Variants in HECTD2 observed in about 807,000 individuals in gnomAD.
HECTD2 encodes the protein HECT domain E3 ubiquitin protein ligase 2, also known as probable E3 ubiquitin-protein ligase HECTD2.
A neutral mutation model predicts 103.2 loss-of-function variants in HECTD2; 35 were observed. The observed-to-expected ratio is 0.34, with a 90% CI of 0.26 to 0.45. The LOEUF is 0.45. Among genes scored for constraint, HECTD2 ranks in the 20% least tolerant of loss-of-function variants. The probability of loss-of-function intolerance (pLI) is 1.00; values close to 1 mark genes in which losing one functional copy is unlikely to be tolerated. For missense variants in HECTD2, 596 were observed against 937.4 expected (o/e 0.64, Z 4.76); for synonymous variants, 281 against 329.9 (o/e 0.85, Z 1.61).
chr10:91,435,055 A>C (rs1272827793), intron 2 of HECTD2, among the ~76,000 whole-genome samples: 1 of 151,922 alleles, frequency 6.6e-6, no homozygotes, highest in Middle Eastern at 3.2e-3. Flanking sequence ...AAAAATCCAA[A>C]ATGTGTTATA....
At chr10:91,428,269 G>T (rs1443308877) in intron 2 of HECTD2, among the ~76,000 whole-genome samples, 30 of 151,770 alleles carry the variant, frequency 2.0e-4, no homozygotes, top group African/African-American at 2.7e-4. Flanking sequence ...ATGCTGTTTT[G>T]GTTACTGTAG....
chr10:91,474,482 T>C (rs1183354649), intron 5 of HECTD2, among the ~76,000 whole-genome samples: 3 of 152,160 alleles, frequency 2.0e-5, no homozygotes, highest in Admixed American at 6.5e-5. Flanking sequence ...TCAGAAGATA[T>C]GGCCTTTAGG....
chr10:91,416,997 G>C (rs1470081416), intron 1 of HECTD2, among the ~76,000 whole-genome samples: 1 of 152,196 alleles, frequency 6.6e-6, no homozygotes, highest in African/African-American at 2.4e-5. Flanking sequence ...TATTGCCAGA[G>C]TAGCAACTTC....
intron 20 of HECTD2, among the ~76,000 whole-genome samples, chr10:91,503,331 A>G (rs1425752677): frequency 6.6e-6 from 1 of 152,222 alleles, no homozygotes; most frequent in African/African-American, 2.4e-5. Flanking sequence ...AGCGACGCAG[A>G]AGATGGGTGA....
chr10:91,419,420 G>A (rs12268013), intron 1 of HECTD2, among the ~76,000 whole-genome samples: 30,498 of 152,010 alleles, frequency 0.2, 7,268 homozygotes, highest in African/African-American at 0.58. Flanking sequence ...TACTCTAAGT[G>A]TTTGTCTGTT....
intron 20 of HECTD2, among the ~76,000 whole-genome samples, chr10:91,503,326 C>T (rs558201635): frequency 3.3e-5 from 5 of 152,232 alleles, no homozygotes; most frequent in South Asian, 2.1e-4. Context: ...GCCTGAGCGA[C>T]GCAGAAGATG....
At chr10:91,495,104 A>G (rs1331423141) in intron 14 of HECTD2, among the ~76,000 whole-genome samples, 1 of 152,048 alleles carries the variant, frequency 6.6e-6, no homozygotes, top group Non-Finnish European at 1.5e-5. Context: ...TGTTTATCAC[A>G]CACACAGATA....
chr10:91,417,888 G>A (rs1843195885), intron 1 of HECTD2, among the ~76,000 whole-genome samples: 1 of 152,062 alleles, frequency 6.6e-6, no homozygotes, highest in Non-Finnish European at 1.5e-5. Context: ...CCCAGTAATG[G>A]GATGGCTGGG....
intron 2 of HECTD2, among the ~76,000 whole-genome samples, chr10:91,430,430 T>C (rs1843799457): frequency 6.6e-6 from 1 of 152,152 alleles, no homozygotes; most frequent in South Asian, 2.1e-4. Flanking sequence ...TTCCTGGGTA[T>C]CCTTGTTAAC....
intron 2 of HECTD2, among the ~76,000 whole-genome samples, chr10:91,436,730 C>G (rs939112103): frequency 6.6e-6 from 1 of 151,976 alleles, no homozygotes; most frequent in Non-Finnish European, 1.5e-5. Flanking sequence ...CCGTTATATT[C>G]CCAGTTCCTG....
intron 14 of HECTD2, among the ~76,000 whole-genome samples, 167 bp from the exon 15 acceptor site, chr10:91,496,034 GAATTATATTATGT>G (rs1323208387): frequency 6.6e-6 from 1 of 152,060 alleles, no homozygotes; most frequent in Non-Finnish European, 1.5e-5. Context: ...TGTAATCAAG[GAATTATATTATGT>G]AAAATAAAGG....
chr10:91,500,383 ATGGTTTGATTTACTATGAG>A, intron 18 of HECTD2, 100 bp from the exon 19 acceptor site: 1 of 480,810 alleles, frequency 2.1e-6, no homozygotes, highest in Non-Finnish European at 3.8e-6. Flanking sequence ...TTCAACAAAA[ATGGTTTGATTTACTATGAG>A]AAATCATGAC....
At chr10:91,412,528 C>G (rs952993003) in intron 1 of HECTD2, among the ~76,000 whole-genome samples, 9 of 150,078 alleles carry the variant, frequency 6.0e-5, no homozygotes, top group South Asian at 2.1e-4. Context: ...GATCTCGGCT[C>G]ACTGCAATCT....
intron 2 of HECTD2, among the ~76,000 whole-genome samples, chr10:91,428,504 C>T (rs377226501): frequency 3.3e-5 from 5 of 152,258 alleles, no homozygotes; most frequent in African/African-American, 1.2e-4. Context: ...TCTTCCTACC[C>T]ATGAGCATGG....
At position 91,493,450 on chromosome 10, in the gene HECTD2, G is replaced by A; in HGVS notation, c.1463G>A (p.Cys488Tyr). The A allele has an allele frequency of 2.6e-6, 4 of 1,552,972 alleles. No homozygotes were observed. Among genetic ancestry groups the A allele is most frequent in the South Asian group, 1.3e-5 (1 of 79,302 alleles). The change falls in exon 14 of 21, where the codon TGC (cysteine) becomes TAC (tyrosine). Residue 488 changes from cysteine to tyrosine, a missense_variant. Around this residue, in one of 4 missense-constraint regions of HECTD2, gnomAD observed 303 missense variants for 522.5 expected, o/e 0.58. Transcript: ENST00000298068. ...GMFTYHKDSHCHWFSSFKCDN... is the reference protein window; with the variant it reads ...GMFTYHKDSHYHWFSSFKCDN... Reference sequence around the variant, plus strand: ...TTTACATATCACAAGGATTCACACTGCCATTGGTTTAGCAGCTTTAAATGT... The same window carrying A: ...TTTACATATCACAAGGATTCACACTACCATTGGTTTAGCAGCTTTAAATGT...
intron 2 of HECTD2, among the ~76,000 whole-genome samples, chr10:91,431,642 A>G (rs1843877212): frequency 6.6e-6 from 1 of 151,576 alleles, no homozygotes; most frequent in Non-Finnish European, 1.5e-5. Flanking sequence ...ATCTTCCATC[A>G]CTGATACCCT....
intron 4 of HECTD2, among the ~76,000 whole-genome samples, chr10:91,461,624 C>T (rs1845353860): frequency 6.6e-6 from 1 of 152,114 alleles, no homozygotes; most frequent in African/African-American, 2.4e-5. Context: ...TCTCAGCTCA[C>T]TGCAACCTCT....
At chr10:91,478,353 C>T (rs776547956) in intron 6 of HECTD2, 88 bp downstream of exon 6, 10 of 789,314 alleles carry the variant, frequency 1.3e-5, no homozygotes, top group Non-Finnish European at 2.1e-5. Flanking sequence ...ATGTATTTTA[C>T]TCTCAGAAAA....
intron 2 of HECTD2, among the ~76,000 whole-genome samples, chr10:91,451,952 T>C (rs2133159682): frequency 6.6e-6 from 1 of 152,260 alleles, no homozygotes; most frequent in Middle Eastern, 3.4e-3. Flanking sequence ...AAGATATTAA[T>C]CATTCTGTTG....
Sources: gnomAD v4.1 joint callset for allele counts (sites outside exome capture counted in the v4.1 genomes callset) on GRCh38, gnomAD v4.1.1 for gene constraint, gnomAD v4.1.1 regional missense constraint, MANE v1.5 for transcripts, NCBI Gene and HGNC (gene_info 2026-07-23, HGNC 2026-07-21) for gene names.